Variants in ZYG11A observed in about 807,000 individuals in gnomAD.
ZYG11A encodes zyg-11 family member A, cell cycle regulator.
ZYG11A carries 62 observed loss-of-function variants against 77.2 expected under a neutral mutation model. That is an observed-to-expected ratio of 0.80 (90% CI 0.65 to 0.99). ZYG11A has a LOEUF of 0.99. Ranked by LOEUF, ZYG11A falls within the 50% of genes least tolerant of loss-of-function variation. The pLI is 0.00. For synonymous variants in ZYG11A, 315 were observed against 324.6 expected, an observed-to-expected ratio of 0.97 and a Z score of 0.32; for missense variants, 828 against 896.8, an observed-to-expected ratio of 0.92 and a Z score of 0.98.
intron 10 of ZYG11A, among the ~76,000 whole-genome samples, chr1:52,879,903 C>T (rs1646334458): frequency 6.6e-6 from 1 of 151,796 alleles, no homozygotes; most frequent in African/African-American, 2.4e-5. Context: ...GCTGGGATTG[C>T]AAGCATGCGC....
intron 13 of ZYG11A, among the ~76,000 whole-genome samples, chr1:52,889,118 T>A (rs902305815): frequency 2.6e-5 from 4 of 152,114 alleles, no homozygotes; most frequent in African/African-American, 9.6e-5. Context: ...ATTTTATTTT[T>A]AAAATTTATT....
chr1:52,843,074 G>A (rs1262070049), intron 1 of ZYG11A, 101 bp downstream of exon 1: 9 of 1,041,798 alleles, frequency 8.6e-6, no homozygotes, highest in South Asian at 1.9e-5. Flanking sequence ...ACTTGCTGGG[G>A]AGTGTGGCCC....
intron 6 of ZYG11A, 121 bp downstream of exon 6, chr1:52,866,688 G>T (rs1646032968): frequency 1.8e-6 from 1 of 568,796 alleles, no homozygotes; most frequent in Non-Finnish European, 3.2e-6. Flanking sequence ...CTTCCACAGA[G>T]AAGTGATTAG....
intron 1 of ZYG11A, 142 bp downstream of exon 1, chr1:52,843,115 C>T (rs1645482949): frequency 7.8e-6 from 5 of 641,122 alleles, no homozygotes; most frequent in Non-Finnish European, 1.2e-5. Flanking sequence ...TGCCGAGCCC[C>T]TTCCAGGCGC....
intron 1 of ZYG11A, among the ~76,000 whole-genome samples, chr1:52,852,901 T>C (rs374622285): frequency 2.0e-5 from 3 of 152,320 alleles, no homozygotes; most frequent in African/African-American, 7.2e-5. Flanking sequence ...TCGTGGAATT[T>C]ATTGATACTG....
chr1:52,877,647 G>T, intron 8 of ZYG11A, 35 bp from the exon 9 acceptor site: 2 of 1,515,592 alleles, frequency 1.3e-6, no homozygotes, highest in Non-Finnish European at 8.9e-7. Context: ...ATTCATTAGA[G>T]CATCTAACTC....
Position 52,894,572 on chromosome 1 carries a change from AT to A in ZYG11A, c.*1619del, listed in dbSNP as rs1646594654. ...AATAAAAGTAAATTTCTGTTAGCAC[AT>A]TTTAGGATTAGATTTTTGTGCTTTT... On this transcript the variant is annotated 3_prime_UTR_variant, in exon 14 of 14. Coordinates refer to ENST00000371528, the MANE Select transcript of ZYG11A (RefSeq NM_001004339.3). The A allele has an allele frequency of 6.6e-6, 1 of 152,152 alleles. No individual in the cohort carries two copies. The highest frequency in any genetic ancestry group is 2.4e-5 in the African/African-American group (1 of 41,450). 9.4% of individuals were successfully genotyped at this position (152,152 alleles called of 1,614,324 possible). A position where few individuals can be genotyped will look rare whatever the true frequency, so the allele number is the denominator to read the frequency against.
chr1:52,873,559 T>G (rs1014992902), intron 8 of ZYG11A, among the ~76,000 whole-genome samples: 1 of 152,138 alleles, frequency 6.6e-6, no homozygotes, highest in Admixed American at 6.6e-5. Flanking sequence ...CAAAGACATA[T>G]TTTGAGATGG....
chr1:52,867,603 A>G lies in ZYG11A; in HGVS notation c.1456A>G (p.Met486Val), dbSNP rs375846353. Residue 486 changes from methionine to valine, a missense_variant, in exon 7 of 14, where the codon ATG (methionine) becomes GTG (valine). Transcript: ENST00000371528. ...CKHENPKMQT[M>V]AVSVTSILAL... ...GCATGAAAACCCCAAGATGCAAACAATGGCAGTGAGTGTCACCTCTATTCT... is the reference window on the plus strand; with the variant it reads ...GCATGAAAACCCCAAGATGCAAACAGTGGCAGTGAGTGTCACCTCTATTCT... 1.9e-6 allele frequency: 3 copies of G among 1,552,174 alleles called. No individual in the cohort carries two copies. The African/African-American group carries it at 4.1e-5, about 21-fold the overall frequency.
chr1:52,890,868 C>G (rs1646532954), intron 13 of ZYG11A, among the ~76,000 whole-genome samples: 1 of 151,802 alleles, frequency 6.6e-6, no homozygotes, highest in African/African-American at 2.4e-5. Context: ...CTATGTCTGG[C>G]CTATTTCTCT....
chr1:52,849,527 A>G (rs1645664744), intron 1 of ZYG11A, among the ~76,000 whole-genome samples: 1 of 150,998 alleles, frequency 6.6e-6, no homozygotes, highest in South Asian at 2.1e-4. Context: ...CAACATGCCC[A>G]GCTAATTTTT....
intron 8 of ZYG11A, among the ~76,000 whole-genome samples, chr1:52,876,206 G>A (rs915103421): frequency 3.3e-5 from 5 of 152,142 alleles, no homozygotes; most frequent in Non-Finnish European, 2.9e-5. Context: ...TGACAAATAC[G>A]GTTAAGTGTC....
Position 52,842,772 on chromosome 1 carries a change from T to G in ZYG11A, c.-112T>G. The G allele has an allele frequency of 9.9e-7, 1 of 1,013,296 alleles. No individual in the cohort carries two copies. The highest frequency in any genetic ancestry group is 1.4e-6 in the Non-Finnish European group (1 of 697,216). The allele number at this position is 1,013,296 out of a possible 1,614,324, so 62.8% of individuals were successfully genotyped here. A position where few individuals can be genotyped will look rare whatever the true frequency, so the allele number is the denominator to read the frequency against. ...GGCAGGGCGCGGCGCTAGCTCCGTG[T>G]GCCTCGCAGGCGTGGTGGGCGCGTC... On this transcript the variant is annotated 5_prime_UTR_variant, in exon 1 of 14. Transcript: ENST00000371528.
At chr1:52,858,913 C>G (rs1645869618) in intron 3 of ZYG11A, among the ~76,000 whole-genome samples, 1 of 152,122 alleles carries the variant, frequency 6.6e-6, no homozygotes, top group Non-Finnish European at 1.5e-5. Context: ...CCATGCTTGG[C>G]CCAGAGCTGT....
At position 52,883,234 on chromosome 1, in the gene ZYG11A, A is replaced by G. The variant is rs1646390425; in HGVS notation, c.1944+1569A>G. ...TGGGTTCAAGTGATACTCCTGCCTCAGCTTCCCAAGTAGCTGGGATTACAG... is the reference window on the plus strand; with the variant it reads ...TGGGTTCAAGTGATACTCCTGCCTCGGCTTCCCAAGTAGCTGGGATTACAG... On this transcript the variant is annotated intron_variant, in intron 11 of 13. Coordinates refer to ENST00000371528, the MANE Select transcript of ZYG11A (RefSeq NM_001004339.3). Among the ~76,000 whole-genome samples, 3 of 151,588 alleles carry G rather than the reference A, an allele frequency of 2.0e-5. No individual in the cohort carries two copies. In the South Asian group the frequency reaches 6.2e-4, roughly 32 times the overall value.
intron 8 of ZYG11A, among the ~76,000 whole-genome samples, chr1:52,875,450 A>G (rs749147458): frequency 2.6e-5 from 4 of 152,260 alleles, no homozygotes; most frequent in Non-Finnish European, 4.4e-5. Flanking sequence ...CACCACAAGC[A>G]AAATAAAAGG....
rs530459522 is a variant in ZYG11A at position 52,891,962 on chromosome 1, T to C, written c.2105-820T>C. The stretch of plus-strand genomic sequence containing the variant: ...TCGCCCAGGCTGGAGTGCAGTGGCG[T>C]GATCTCGGCTCACTGCAAGCTCACC... On this transcript the variant is annotated intron_variant, in intron 13 of 13. Coordinates refer to ENST00000371528, the MANE Select transcript of ZYG11A (RefSeq NM_001004339.3). Among the ~76,000 whole-genome samples the C allele has an allele frequency of 2.0e-5, 3 of 151,628 alleles. No individual in the cohort carries two copies. The East Asian group carries it at 5.9e-4, about 30-fold the overall frequency.
chr1:52,872,324 G>A (rs1387829833), intron 8 of ZYG11A, among the ~76,000 whole-genome samples: 1 of 151,842 alleles, frequency 6.6e-6, no homozygotes, highest in Admixed American at 6.6e-5. Flanking sequence ...GTCTGGTCTC[G>A]AACTCCTGAC....
chr1:52,855,794 T>G (rs1465217734), intron 2 of ZYG11A, among the ~76,000 whole-genome samples: 1 of 152,256 alleles, frequency 6.6e-6, no homozygotes, highest in Non-Finnish European at 1.5e-5. Context: ...ACATTGTATT[T>G]ATCTGTTTTT....
Sources: allele counts gnomAD v4.1 joint callset (sites outside exome capture counted in the v4.1 genomes callset), GRCh38; gene constraint gnomAD v4.1.1; transcripts MANE v1.5; gene names NCBI Gene and HGNC (gene_info 2026-07-23, HGNC 2026-07-21).